CDH13: variants seen among roughly 807,000 people sequenced by gnomAD.
CDH13 encodes cadherin 13.
Under a neutral mutation model 63.8 loss-of-function variants are expected in CDH13, and 24 were observed. The observed-to-expected ratio is 0.38, with a 90% CI of 0.27 to 0.53. The LOEUF is 0.53. Ranked by LOEUF, CDH13 falls within the 20% of genes least tolerant of loss-of-function variation. The pLI is 0.85. For synonymous variants in CDH13, 503 were observed against 355.3 expected, an observed-to-expected ratio of 1.42 and a Z score of -4.67; for missense variants, 1,049 against 903.1, an observed-to-expected ratio of 1.16 and a Z score of -2.07.
intron 1 of CDH13, among the ~76,000 whole-genome samples, chr16:82,749,338 C>A (rs1265931716): frequency 6.6e-6 from 1 of 152,142 alleles, no homozygotes; most frequent in African/African-American, 2.4e-5. Context: ...TTCAATGAGG[C>A]TTCACTTACA....
intron 1 of CDH13, among the ~76,000 whole-genome samples, chr16:82,642,792 A>G (rs1909578755): frequency 6.6e-6 from 1 of 152,186 alleles, no homozygotes; most frequent in Non-Finnish European, 1.5e-5. Flanking sequence ...AGATGCATTA[A>G]TCAGCACATG....
Position 83,006,904 on chromosome 16 carries a change from T to TTTTG in CDH13, c.158-25078_158-25075dup, listed in dbSNP as rs977914662. On this transcript the variant is annotated intron_variant, in intron 2 of 13. Coordinates refer to ENST00000567109, the MANE Select transcript of CDH13 (RefSeq NM_001257.5). The stretch of plus-strand genomic sequence containing the variant: ...CTTCAAAACACCCAGTTTTGATTTT[T>TTTTG]TTTGTTTGTTTGTTTGTTTGTTTGT... Among the ~76,000 whole-genome samples, 64 of 142,134 alleles carry TTTTG rather than the reference T, an allele frequency of 4.5e-4. 1 individual carries two copies. Among genetic ancestry groups the TTTTG allele is most frequent in the East Asian group, 1.0e-3 (5 of 4,974 alleles). 93.2% of individuals were successfully genotyped at this position (142,134 alleles called of 152,430 possible). A position where few individuals can be genotyped will look rare whatever the true frequency, so the allele number is the denominator to read the frequency against.
At chr16:83,501,132 G>C (rs1414814598) in intron 7 of CDH13, among the ~76,000 whole-genome samples, 1 of 152,186 alleles carries the variant, frequency 6.6e-6, no homozygotes, top group East Asian at 1.9e-4. Context: ...CTGACCAGCT[G>C]TTTATCTTTG....
At chr16:82,634,910 C>G (rs995576986) in intron 1 of CDH13, among the ~76,000 whole-genome samples, 2 of 152,176 alleles carry the variant, frequency 1.3e-5, no homozygotes, top group African/African-American at 4.8e-5. Flanking sequence ...CTACTATGTT[C>G]CAAGCACCAC....
At chr16:83,370,164 G>C (rs1445218283) in intron 6 of CDH13, among the ~76,000 whole-genome samples, 1 of 152,160 alleles carries the variant, frequency 6.6e-6, no homozygotes, top group Non-Finnish European at 1.5e-5. Context: ...GAGGCGGACG[G>C]ATCGTGAAGT....
chr16:83,149,506 C>T (rs2036885498), intron 4 of CDH13, among the ~76,000 whole-genome samples: 1 of 152,160 alleles, frequency 6.6e-6, no homozygotes, highest in Non-Finnish European at 1.5e-5. Context: ...TTCAATTCCA[C>T]AAGTAATTCA....
chr16:83,722,483 T>G (rs168835), intron 10 of CDH13, among the ~76,000 whole-genome samples: 151,987 of 152,326 alleles, frequency 1, 75,824 homozygotes, highest in Middle Eastern at 1. Flanking sequence ...ACTGGCCACA[T>G]TGGAAATACT....
At chr16:83,087,997 G>A (rs1467050450) in intron 3 of CDH13, among the ~76,000 whole-genome samples, 2 of 152,184 alleles carry the variant, frequency 1.3e-5, no homozygotes, top group East Asian at 3.9e-4. Context: ...GCAGCCTTCA[G>A]CGGCTACATT....
chr16:83,375,190 C>G (rs1025960900), intron 6 of CDH13, among the ~76,000 whole-genome samples: 7 of 152,200 alleles, frequency 4.6e-5, no homozygotes, highest in Middle Eastern at 3.2e-3. Flanking sequence ...CTAGGCAAAG[C>G]TGTTTAGTTA....
intron 5 of CDH13, among the ~76,000 whole-genome samples, chr16:83,281,693 G>A (rs2089180104): frequency 6.6e-6 from 1 of 151,606 alleles, no homozygotes; most frequent in African/African-American, 2.4e-5. Context: ...CAGATCACTT[G>A]AGGTCAGGAG....
chr16:83,559,075 T>G (rs931480089), intron 7 of CDH13, among the ~76,000 whole-genome samples: 7 of 152,232 alleles, frequency 4.6e-5, no homozygotes, highest in African/African-American at 1.7e-4. Context: ...ACTCCTTTCT[T>G]TTAAACACTG....
intron 10 of CDH13, among the ~76,000 whole-genome samples, chr16:83,699,858 G>T (rs895101774): frequency 6.6e-6 from 1 of 152,092 alleles, no homozygotes; most frequent in Non-Finnish European, 1.5e-5. Flanking sequence ...CATGTACCCA[G>T]CCTCAGCACA....
chr16:83,116,455 G>T (rs1050676782), intron 3 of CDH13, among the ~76,000 whole-genome samples: 1 of 152,216 alleles, frequency 6.6e-6, no homozygotes, highest in South Asian at 2.1e-4. Context: ...GGCTGACCTT[G>T]ACACACTCCT....
chr16:82,957,114 A>C (rs1906237117), intron 2 of CDH13, among the ~76,000 whole-genome samples: 1 of 152,142 alleles, frequency 6.6e-6, no homozygotes, highest in African/African-American at 2.4e-5. Context: ...CCACATCCAC[A>C]TTCTATCCCA....
intron 4 of CDH13, among the ~76,000 whole-genome samples, chr16:83,136,176 A>T (rs1320906572): frequency 2.6e-4 from 18 of 69,640 alleles, no homozygotes; most frequent in Admixed American, 1.1e-3. Context: ...ATAGAAATTA[A>T]AAAAAAAAAA....
intron 5 of CDH13, among the ~76,000 whole-genome samples, chr16:83,245,875 C>A (rs1027364582): frequency 1.3e-5 from 2 of 152,036 alleles, no homozygotes; most frequent in Non-Finnish European, 2.9e-5. Flanking sequence ...TCTGAGTAGC[C>A]CGGACTACAG....
chr16:83,776,679 A>G (rs1465910652), intron 11 of CDH13, among the ~76,000 whole-genome samples: 2 of 152,200 alleles, frequency 1.3e-5, no homozygotes, highest in East Asian at 3.8e-4. Flanking sequence ...AAGTGTCACC[A>G]GTAACATTCT....
At chr16:82,878,928 C>G (rs910050508) in intron 2 of CDH13, among the ~76,000 whole-genome samples, 7 of 152,108 alleles carry the variant, frequency 4.6e-5, no homozygotes, top group Admixed American at 1.3e-4. Context: ...GAGATCCTCA[C>G]CTTCTCTGAG....
intron 7 of CDH13, among the ~76,000 whole-genome samples, chr16:83,587,441 G>A (rs1906278160): frequency 6.6e-6 from 1 of 152,154 alleles, no homozygotes; most frequent in Non-Finnish European, 1.5e-5. Flanking sequence ...TTCTGTCACT[G>A]GGAGTCAGTA....
Sources: allele counts gnomAD v4.1 joint callset (sites outside exome capture counted in the v4.1 genomes callset), GRCh38; gene constraint gnomAD v4.1.1; transcripts MANE v1.5; gene names NCBI Gene and HGNC (gene_info 2026-07-23, HGNC 2026-07-21).